Variants in BMP2K observed in about 807,000 individuals in gnomAD.
BMP2K encodes BMP-2-inducible protein kinase.
Under a neutral mutation model 116.0 loss-of-function variants are expected in BMP2K, and 74 were observed. That is an observed-to-expected ratio of 0.64 (90% CI 0.53 to 0.77). BMP2K has a LOEUF of 0.77. Among genes scored for constraint, BMP2K ranks in the 30% least tolerant of loss-of-function variants. The pLI is 0.00. For missense variants in BMP2K, 1,365 were observed against 1,403.6 expected (o/e 0.97, Z 0.44); for synonymous variants, 486 against 502.5 (o/e 0.97, Z 0.44).
chr4:78,860,666 T>G (rs539310726), intron 8 of BMP2K, among the ~76,000 whole-genome samples: 1 of 151,984 alleles, frequency 6.6e-6, no homozygotes, highest in South Asian at 2.1e-4. Context: ...AAGCCATTCT[T>G]GACTTTGTAA....
At chr4:78,899,261 G>A (rs914874601) in intron 15 of BMP2K, 8 of 152,198 alleles carry the variant, frequency 5.3e-5, no homozygotes, top group African/African-American at 1.4e-4. Context: ...GGGAACAGGG[G>A]ACCTTGAAGG....
At chr4:78,803,537 C>T (rs1728673831) in intron 1 of BMP2K, among the ~76,000 whole-genome samples, 2 of 151,944 alleles carry the variant, frequency 1.3e-5, no homozygotes, top group African/African-American at 2.4e-5. Flanking sequence ...TACCACCACT[C>T]CCTGCACATT....
chr4:78,904,694 A>G (rs928302080), intron 15 of BMP2K, among the ~76,000 whole-genome samples: 1 of 151,944 alleles, frequency 6.6e-6, no homozygotes, highest in African/African-American at 2.4e-5. Flanking sequence ...AGAAGTAAAG[A>G]ATTGAAAGAG....
intron 7 of BMP2K, among the ~76,000 whole-genome samples, chr4:78,853,779 C>T (rs556996105): frequency 5.9e-5 from 9 of 152,166 alleles, no homozygotes; most frequent in South Asian, 4.1e-4. Context: ...CCACCTCTTA[C>T]GGTTATTGTG....
At chr4:78,836,465 T>G (rs1730485949) in intron 3 of BMP2K, among the ~76,000 whole-genome samples, 1 of 152,168 alleles carries the variant, frequency 6.6e-6, no homozygotes, top group Non-Finnish European at 1.5e-5. Flanking sequence ...TTAGACATTT[T>G]AATATTTGTT....
chr4:78,811,382 A>G (rs1729082425), intron 1 of BMP2K, among the ~76,000 whole-genome samples: 1 of 152,228 alleles, frequency 6.6e-6, no homozygotes, highest in Non-Finnish European at 1.5e-5. Flanking sequence ...TGTAGTACAT[A>G]ATAATTTTAT....
At chr4:78,893,026 C>T (rs751619836) in intron 15 of BMP2K, among the ~76,000 whole-genome samples, 22 of 152,306 alleles carry the variant, frequency 1.4e-4, no homozygotes, top group Non-Finnish European at 2.5e-4. Flanking sequence ...TGAAAGACTT[C>T]TCTGTACATG....
chr4:78,857,238 T>C (rs1731548260), intron 7 of BMP2K, among the ~76,000 whole-genome samples: 1 of 152,130 alleles, frequency 6.6e-6, no homozygotes, highest in Admixed American at 6.6e-5. Context: ...TTTGAGTTGA[T>C]TTTATGTCAC....
At chr4:78,865,104 G>A (rs189209829) in intron 9 of BMP2K, among the ~76,000 whole-genome samples, 22 of 152,204 alleles carry the variant, frequency 1.4e-4, no homozygotes, top group African/African-American at 4.3e-4. Flanking sequence ...TTTGTTTAAC[G>A]TGCCCTAGGC....
chr4:78,890,942 C>A (rs1733400042), intron 15 of BMP2K, among the ~76,000 whole-genome samples: 1 of 152,134 alleles, frequency 6.6e-6, no homozygotes, highest in Non-Finnish European at 1.5e-5. Flanking sequence ...TGCCTGTAAT[C>A]CCAGCATTTT....
rs557175488 is a variant in BMP2K at position 78,793,015 on chromosome 4, A to G, written c.178+16294A>G. Among the ~76,000 whole-genome samples, 3 of 152,322 alleles carry G rather than the reference A, an allele frequency of 2.0e-5. No homozygotes were observed. The South Asian group carries it at 6.2e-4, about 32-fold the overall frequency. ...CTGTCAAAGTAGGTGTGAGAATCCA[A>G]CAGTCTTCTATTAAGCCAAATGTTA... On this transcript the variant is annotated intron_variant, in intron 1 of 15. Coordinates refer to ENST00000502613, the MANE Select transcript of BMP2K (RefSeq NM_198892.2).
intron 7 of BMP2K, among the ~76,000 whole-genome samples, chr4:78,857,157 T>A (rs1731544547): frequency 6.6e-6 from 1 of 152,174 alleles, no homozygotes; most frequent in Admixed American, 6.6e-5. Context: ...AAATATTGCT[T>A]ACATTTACCA....
intron 1 of BMP2K, among the ~76,000 whole-genome samples, chr4:78,786,436 T>TGTGTGTGTGTGTGTTTTGA (rs1321872934): frequency 2.0e-5 from 3 of 151,294 alleles, no homozygotes; most frequent in Non-Finnish European, 4.4e-5. Flanking sequence ...TGTGTGTGTG[T>TGTGTGTGTGTGTGTTTTGA]GTGTGTGTGT....
chr4:78,840,614 T>G (rs989465828), intron 3 of BMP2K, among the ~76,000 whole-genome samples: 1 of 152,204 alleles, frequency 6.6e-6, no homozygotes, highest in Admixed American at 6.5e-5. Flanking sequence ...ATCTGACTTT[T>G]TACCTTTTTT....
chr4:78,893,111 A>C (rs1010952032), intron 15 of BMP2K, among the ~76,000 whole-genome samples: 3 of 152,238 alleles, frequency 2.0e-5, no homozygotes, highest in Non-Finnish European at 2.9e-5. Context: ...CTCAAACCAT[A>C]CCATTGCTTT....
chr4:78,858,019 T>A (rs970935784), intron 7 of BMP2K, among the ~76,000 whole-genome samples: 1 of 151,822 alleles, frequency 6.6e-6, no homozygotes, highest in African/African-American at 2.4e-5. Flanking sequence ...CTTATATATT[T>A]AAAAAAAATC....
chr4:78,886,779 T>C lies in BMP2K; in HGVS notation c.1952-395T>C, dbSNP rs149849916. Among the ~76,000 whole-genome samples, 782 of 152,340 alleles carry C rather than the reference T, an allele frequency of 5.1e-3. 8 individuals are homozygous for C. The highest frequency in any genetic ancestry group is 0.018 in the African/African-American group (745 of 41,572). On this transcript the variant is annotated intron_variant, in intron 14 of 15. Coordinates refer to ENST00000502613, the MANE Select transcript of BMP2K (RefSeq NM_198892.2). ...TATTGAGAAGTAAGATTTACCTACT[T>C]TATGGATGAATGACCATTTGCAAGA...
chr4:78,795,989 C>A (rs1728245233), intron 1 of BMP2K, among the ~76,000 whole-genome samples: 1 of 151,648 alleles, frequency 6.6e-6, no homozygotes, highest in East Asian at 2.0e-4. Context: ...GTGGCGATTC[C>A]TCAGGGATCT....
At chr4:78,825,739 A>G (rs1282507070) in intron 1 of BMP2K, among the ~76,000 whole-genome samples, 1 of 152,232 alleles carries the variant, frequency 6.6e-6, no homozygotes, top group African/African-American at 2.4e-5. Context: ...CTTTAGTAAC[A>G]TAATTGTGAC....
Sources: allele counts gnomAD v4.1 joint callset (sites outside exome capture counted in the v4.1 genomes callset), GRCh38; gene constraint gnomAD v4.1.1; transcripts MANE v1.5; gene names NCBI Gene and HGNC (gene_info 2026-07-23, HGNC 2026-07-21).